DGKB: variants seen among roughly 807,000 people sequenced by gnomAD.
DGKB encodes the protein 90 kDa diacylglycerol kinase.
In DGKB, 67 loss-of-function variants were observed where a neutral mutation model predicts 114.3. That is an observed-to-expected ratio of 0.59 (90% CI 0.48 to 0.72). DGKB has a LOEUF of 0.72. DGKB is among the 30% of genes least tolerant of loss of function. The pLI is 0.00. For missense variants in DGKB, 907 were observed against 975.2 expected (o/e 0.93, Z 0.93); for synonymous variants, 398 against 323.1 (o/e 1.23, Z -2.49).
intron 1 of DGKB, among the ~76,000 whole-genome samples, chr7:14,843,541 A>G (rs1472820477): frequency 1.3e-5 from 2 of 151,172 alleles, no homozygotes; most frequent in African/African-American, 2.4e-5. Context: ...TCACCTTGTT[A>G]GCCAGGATGG....
chr7:14,914,393 A>G (rs1012903353), intron 1 of DGKB, among the ~76,000 whole-genome samples: 17 of 152,218 alleles, frequency 1.1e-4, no homozygotes, highest in African/African-American at 3.9e-4. Flanking sequence ...AAGAGCTACA[A>G]GATACAGACT....
At chr7:14,581,733 A>G (rs1341785757) in intron 18 of DGKB, among the ~76,000 whole-genome samples, 1 of 152,120 alleles carries the variant, frequency 6.6e-6, no homozygotes, top group East Asian at 1.9e-4. Flanking sequence ...GGGATAGATA[A>G]TGTAGGGAAA....
intron 2 of DGKB, among the ~76,000 whole-genome samples, chr7:14,805,330 T>C (rs868801916): frequency 1.3e-5 from 2 of 152,194 alleles, no homozygotes; most frequent in African/African-American, 4.8e-5. Flanking sequence ...ATAGTGAAAG[T>C]GGGAATAAAC....
At chr7:14,753,880 G>T (rs1358588104) in intron 4 of DGKB, 48 bp downstream of exon 4, 3 of 1,145,244 alleles carry the variant, frequency 2.6e-6, no homozygotes, top group Admixed American at 2.0e-5. Context: ...GATCATATCA[G>T]AATAAAGAAA....
At chr7:14,713,458 A>G (rs1318084980) in intron 6 of DGKB, among the ~76,000 whole-genome samples, 2 of 152,074 alleles carry the variant, frequency 1.3e-5, no homozygotes, top group Admixed American at 1.3e-4. Flanking sequence ...GGTGTGTTTG[A>G]CATCCAGTTT....
intron 4 of DGKB, among the ~76,000 whole-genome samples, chr7:14,747,779 G>GCGCACACACACACACA (rs1554636463): frequency 6.7e-6 from 1 of 148,502 alleles, no homozygotes; most frequent in African/African-American, 2.5e-5. Context: ...CCACGCGCAC[G>GCGCACACACACACACA]CACACACACA....
chr7:14,343,700 T>G (rs1281005533), intron 22 of DGKB, among the ~76,000 whole-genome samples: 2 of 151,446 alleles, frequency 1.3e-5, no homozygotes, highest in Non-Finnish European at 3.0e-5. Flanking sequence ...CAGCTTCTGC[T>G]GCAAATTGTA....
At chr7:14,787,557 T>C (rs1562533998) in intron 2 of DGKB, among the ~76,000 whole-genome samples, 1 of 152,156 alleles carries the variant, frequency 6.6e-6, no homozygotes, top group Non-Finnish European at 1.5e-5. Flanking sequence ...GTGATAGACG[T>C]AGAGATGCAT....
intron 14 of DGKB, among the ~76,000 whole-genome samples, chr7:14,623,182 G>A (rs558535813): frequency 3.7e-4 from 56 of 152,248 alleles, no homozygotes; most frequent in African/African-American, 1.3e-3. Context: ...AGGATTCTTA[G>A]GGATTTTAGG....
intron 20 of DGKB, among the ~76,000 whole-genome samples, chr7:14,534,705 T>C (rs772062418): frequency 6.6e-6 from 1 of 151,418 alleles, no homozygotes; most frequent in Non-Finnish European, 1.5e-5. Flanking sequence ...ATAGACAAAG[T>C]AAAAAAAAGA....
At chr7:14,283,091 C>A (rs565652720) in intron 23 of DGKB, among the ~76,000 whole-genome samples, 45 of 151,834 alleles carry the variant, frequency 3.0e-4, no homozygotes, top group Middle Eastern at 3.4e-3. Context: ...TTGCAGATGA[C>A]ATGATTATAT....
intron 1 of DGKB, among the ~76,000 whole-genome samples, chr7:14,886,446 C>T (rs1377514390): frequency 6.6e-6 from 1 of 151,784 alleles, no homozygotes; most frequent in Non-Finnish European, 1.5e-5. Flanking sequence ...ACAAAAATAA[C>T]AGCAAACCAA....
rs533736784 is a variant in DGKB at position 14,747,114 on chromosome 7, C to T, written c.168+6814G>A. Among the ~76,000 whole-genome samples, 3 of 151,060 alleles carry T rather than the reference C, an allele frequency of 2.0e-5. No homozygotes were observed. In the South Asian group the frequency reaches 6.3e-4, roughly 32 times the overall value. ...GTTTCTCAAACTTCTTCACTGTGTT[C>T]TTTGGAGCAAAATTAATTTATCTCA... On this transcript the variant is annotated intron_variant, in intron 4 of 25. Transcript: ENST00000402815.
chr7:14,900,413 G>C (rs1408320704), intron 1 of DGKB, among the ~76,000 whole-genome samples: 1 of 152,090 alleles, frequency 6.6e-6, no homozygotes, highest in Non-Finnish European at 1.5e-5. Context: ...TATAAATACA[G>C]CTCTGTTCCT....
chr7:14,929,761 T>C (rs1057297025), intron 1 of DGKB, among the ~76,000 whole-genome samples: 2 of 152,108 alleles, frequency 1.3e-5, no homozygotes, highest in Non-Finnish European at 2.9e-5. Context: ...TGTTGTTGCC[T>C]ATAATTTTGA....
intron 1 of DGKB, among the ~76,000 whole-genome samples, chr7:14,940,772 TTTA>T (rs1785529681): frequency 8.1e-6 from 1 of 124,068 alleles, no homozygotes; most frequent in African/African-American, 2.6e-5. Flanking sequence ...TTATTCTTCC[TTTA>T]TTTATTTATT....
chr7:14,494,993 T>C (rs1260945940), intron 20 of DGKB, among the ~76,000 whole-genome samples: 1 of 151,880 alleles, frequency 6.6e-6, no homozygotes, highest in Non-Finnish European at 1.5e-5. Context: ...AAAGGTTTAA[T>C]AGGCTAAATT....
chr7:14,358,634 A>G (rs1014122117), intron 21 of DGKB, among the ~76,000 whole-genome samples: 13 of 152,166 alleles, frequency 8.5e-5, no homozygotes, highest in Admixed American at 8.5e-4. Flanking sequence ...ATGCACAAAA[A>G]TCACAAGCAT....
chr7:14,678,521 A>G (rs1820275182), intron 12 of DGKB, among the ~76,000 whole-genome samples: 1 of 152,006 alleles, frequency 6.6e-6, no homozygotes, highest in South Asian at 2.1e-4. Context: ...ATACACAGCT[A>G]TGGCAGAGGG....
Sources: gnomAD v4.1 joint callset for allele counts (sites outside exome capture counted in the v4.1 genomes callset) on GRCh38, gnomAD v4.1.1 for gene constraint, MANE v1.5 for transcripts, NCBI Gene and HGNC (gene_info 2026-07-23, HGNC 2026-07-21) for gene names.